Variants in PSMD7 observed in about 807,000 individuals in gnomAD.
PSMD7 encodes the protein 26S proteasome non-ATPase regulatory subunit 7.
In PSMD7, 13 loss-of-function variants were observed where a neutral mutation model predicts 36.4. That is an observed-to-expected ratio of 0.36 (90% CI 0.23 to 0.57). The LOEUF is 0.57. PSMD7 is among the 20% of genes least tolerant of loss of function. The pLI is 0.83. For missense variants in PSMD7, 298 were observed against 393.6 expected (o/e 0.76, Z 2.06); for synonymous variants, 186 against 151.0 (o/e 1.23, Z -1.70).
At position 74,302,210 on chromosome 16, in the gene PSMD7, A is replaced by C; in HGVS notation, c.358-2A>C. On this transcript the variant is annotated splice_acceptor_variant, in intron 4 of 6. Transcript: ENST00000219313. LOFTEE classifies it high-confidence loss of function. ...ACTTGCTAAGATGTGTTTCTCTGCCAGGTATTGGTCATCATTGATGTGAAG... is the reference window on the plus strand; with the variant it reads ...ACTTGCTAAGATGTGTTTCTCTGCCCGGTATTGGTCATCATTGATGTGAAG... 1 of 1,613,358 alleles carries C rather than the reference A, an allele frequency of 6.2e-7. No homozygotes were observed.
intron 2 of PSMD7, chr16:74,300,413 C>A: frequency 1.7e-6 from 1 of 577,766 alleles, no homozygotes; most frequent in Non-Finnish European, 3.1e-6. Flanking sequence ...ACTGCACCTG[C>A]TCCTCTCTGC....
chr16:74,300,447 A>C (rs140457755), intron 2 of PSMD7: 1 of 525,238 alleles, frequency 1.9e-6, no homozygotes, highest in African/African-American at 1.9e-5. Flanking sequence ...GAGCTGCTAT[A>C]GACAACATGT....
intron 1 of PSMD7, chr16:74,299,885 A>G: frequency 1.8e-6 from 1 of 566,488 alleles, no homozygotes; most frequent in South Asian, 2.3e-5. Context: ...AGCATGTATT[A>G]CTTCACAGTC....
In PSMD7 at chr16:74,306,206, T is replaced by C. The variant is rs1158982754; in HGVS notation, c.*473T>C. On this transcript the variant is annotated 3_prime_UTR_variant, in exon 7 of 7. Transcript: ENST00000219313. ...AATACCACACCATGTTCTGGACCCA[T>C]AGCTCTGGCATCCTCAGGGGTTGTG... 2 of 152,750 alleles carry C rather than the reference T, an allele frequency of 1.3e-5. No individual in the cohort carries two copies. Among genetic ancestry groups the C allele is most frequent in the Non-Finnish European group, 2.9e-5 (2 of 68,128 alleles). 9.5% of individuals were successfully genotyped at this position (152,750 alleles called of 1,614,324 possible).
At chr16:74,299,780 A>G (rs1038075669) in intron 1 of PSMD7, 3 of 386,908 alleles carry the variant, frequency 7.8e-6, no homozygotes, top group Non-Finnish European at 1.5e-5. Flanking sequence ...GTAAAGTTAA[A>G]TGTGGTAGCA....
chr16:74,300,944 C>A, intron 2 of PSMD7, 108 bp from the exon 3 acceptor site: 2 of 562,782 alleles, frequency 3.6e-6, no homozygotes, highest in Admixed American at 3.8e-5. Flanking sequence ...CTTTGCTGGG[C>A]AAGTGAAACA....
chr16:74,302,391 G>A (rs563879907), intron 5 of PSMD7, 99 bp downstream of exon 5: 39 of 964,808 alleles, frequency 4.0e-5, no homozygotes, highest in South Asian at 6.0e-5. Context: ...CTTTGTCTCC[G>A]TAACAAAAGA....
chr16:74,304,518 C>A, intron 6 of PSMD7, 124 bp downstream of exon 6: 1 of 722,690 alleles, frequency 1.4e-6, no homozygotes, highest in Non-Finnish European at 2.3e-6. Flanking sequence ...AACAAGTCTG[C>A]CATTCTGAGC....
chr16:74,299,423 G>C (rs1454802158), intron 1 of PSMD7, among the ~76,000 whole-genome samples: 1 of 152,164 alleles, frequency 6.6e-6, no homozygotes, highest in East Asian at 1.9e-4. Flanking sequence ...AGGCTGGGGT[G>C]CAGTAGCACA....
rs780158976 is a variant in PSMD7 at position 74,305,517 on chromosome 16, C to T, written c.759C>T (p.Thr253=). 3.1e-6 allele frequency: 5 copies of T among 1,613,996 alleles called. No individual in the cohort carries two copies. The African/African-American group carries it at 6.7e-5, about 22-fold the overall frequency. ...TCGTCAAGGCCTTTTACCTGAAGAC[C>T]AATGACCAGATGGTGGTAGTGTACT... is the stretch of plus-strand genomic sequence containing the variant. ...QEFVKAFYLK[T]NDQMVVVYLA... is the part of the protein sequence containing the mutation. Residue 253 remains threonine, a synonymous_variant, in exon 7 of 7, where the codon ACC becomes ACT. Coordinates refer to ENST00000219313, the MANE Select transcript of PSMD7 (RefSeq NM_002811.5).
At chr16:74,304,185 C>A (rs1597119751) in intron 5 of PSMD7, 118 bp from the exon 6 acceptor site, 2 of 818,962 alleles carry the variant, frequency 2.4e-6, no homozygotes, top group East Asian at 5.1e-5. Flanking sequence ...ATAGAAAATT[C>A]TCAGTCATGC....
chr16:74,301,536 T>A lies in PSMD7; in HGVS notation c.260-19T>A. 6.4e-7 allele frequency: 1 copy of A among 1,561,644 alleles called. No individual in the cohort carries two copies. The highest frequency in any genetic ancestry group is 8.8e-7 in the Non-Finnish European group (1 of 1,133,850). ...TCTTCATGAAATAGTTAAAGCCTGC[T>A]AATTTTTTTCCTTCCTAGCCAGGGA... On this transcript the variant is annotated intron_variant, in intron 3 of 6. Coordinates refer to ENST00000219313, the MANE Select transcript of PSMD7 (RefSeq NM_002811.5).
rs114830828 is a variant in PSMD7, at chr16:74,305,345, A to G, written c.587A>G (p.His196Arg). ...TCCCAGCGGATCACAAACCAGGTCCATGGTTTGAAGGGACTGAACTCCAAG... is the reference window on the plus strand; with the variant it reads ...TCCCAGCGGATCACAAACCAGGTCCGTGGTTTGAAGGGACTGAACTCCAAG... ...TLSQRITNQV[H>R]GLKGLNSKLL... The change falls in exon 7 of 7, where the codon CAT becomes CGT. Residue 196 changes from histidine to arginine, a missense_variant. By Grantham distance (29) the His-to-Arg change is conservative. Transcript: ENST00000219313. 42 of 1,614,118 alleles carry G rather than the reference A, an allele frequency of 2.6e-5. No homozygotes were observed. The East Asian group carries it at 9.1e-4, about 35-fold the overall frequency.
chr16:74,300,455 T>C (rs1419123040), intron 2 of PSMD7: 4 of 496,838 alleles, frequency 8.1e-6, no homozygotes, highest in East Asian at 3.4e-5. Flanking sequence ...ATAGACAACA[T>C]GTAAACAAAC....
intron 5 of PSMD7, among the ~76,000 whole-genome samples, chr16:74,303,463 C>T (rs2034171911): frequency 6.6e-6 from 1 of 152,180 alleles, no homozygotes; most frequent in South Asian, 2.1e-4. Context: ...AGGAGACGTA[C>T]AGCCTCTTCT....
chr16:74,304,033 G>A (rs1030016168), intron 5 of PSMD7: 5 of 322,220 alleles, frequency 1.6e-5, no homozygotes, highest in Admixed American at 4.3e-5. Flanking sequence ...CTCCCTGTGC[G>A]TTCATGCCAA....
rs1284100863 is a variant in PSMD7, at chr16:74,301,551, C to G, written c.260-4C>G. 6.2e-7 allele frequency: 1 copy of G among 1,605,716 alleles called. No individual in the cohort carries two copies. The highest frequency in any genetic ancestry group is 1.7e-5 in the Admixed American group (1 of 58,832). ...TAAAGCCTGCTAATTTTTTTCCTTC[C>G]TAGCCAGGGAAAGAATAGTTGGCTG... is the stretch of plus-strand genomic sequence containing the variant. On this transcript the variant is annotated splice_region_variant and splice_polypyrimidine_tract_variant and intron_variant, in intron 3 of 6. Coordinates refer to ENST00000219313, the MANE Select transcript of PSMD7 (RefSeq NM_002811.5).
At chr16:74,300,736 T>C (rs1396433466) in intron 2 of PSMD7, among the ~76,000 whole-genome samples, 1 of 152,222 alleles carries the variant, frequency 6.6e-6, no homozygotes, top group Non-Finnish European at 1.5e-5. Context: ...TCATGTCATT[T>C]GCCAAATTGA....
chr16:74,296,869 T>C lies in PSMD7; in HGVS notation c.-46T>C. On this transcript the variant is annotated 5_prime_UTR_variant, in exon 1 of 7. Coordinates refer to ENST00000219313, the MANE Select transcript of PSMD7 (RefSeq NM_002811.5). ...CCGGTGACCGCTACTGCTGCCGGTGTTTGCGTGTGGCAGGGAGCCAGGCCT... is the reference window on the plus strand; with the variant it reads ...CCGGTGACCGCTACTGCTGCCGGTGCTTGCGTGTGGCAGGGAGCCAGGCCT... 6.2e-7 allele frequency: 1 copy of C among 1,604,256 alleles called. No homozygotes were observed. Among genetic ancestry groups the C allele is most frequent in the Non-Finnish European group, 8.5e-7 (1 of 1,173,934 alleles).
Sources: allele counts gnomAD v4.1 joint callset (sites outside exome capture counted in the v4.1 genomes callset), GRCh38; gene constraint gnomAD v4.1.1; transcripts MANE v1.5; gene names NCBI Gene and HGNC (gene_info 2026-07-23, HGNC 2026-07-21).